Variants in PSTPIP1 observed in about 807,000 individuals in gnomAD.
The protein encoded by PSTPIP1 is proline-serine-threonine phosphatase interacting protein 1.
In PSTPIP1, 66 loss-of-function variants were observed where a neutral mutation model predicts 69.6. The ratio of observed to expected loss-of-function variants is 0.95; its 90% confidence interval spans 0.78 to 1.16. The LOEUF (loss-of-function observed/expected upper bound fraction) is 1.16. PSTPIP1 is among the 50% of genes most tolerant of loss of function. The pLI is 0.00. For missense variants in PSTPIP1, 603 were observed against 557.4 expected, an observed-to-expected ratio of 1.08 and a Z score of -0.82; for synonymous variants, 266 against 222.7, an observed-to-expected ratio of 1.19 and a Z score of -1.73.
chr15:77,002,177 T>C (rs2075722727), intron 1 of PSTPIP1, among the ~76,000 whole-genome samples: 1 of 152,236 alleles, frequency 6.6e-6, no homozygotes, highest in African/African-American at 2.4e-5. Flanking sequence ...GACTCTGTGA[T>C]GGGACCTAAG....
chr15:76,995,436 A>T lies in PSTPIP1; in HGVS notation c.-138A>T, dbSNP rs535408605. On this transcript the variant is annotated 5_prime_UTR_variant, in exon 1 of 15. Coordinates refer to ENST00000558012, the MANE Select transcript of PSTPIP1 (RefSeq NM_003978.5). Reference sequence around the variant, plus strand: ...CTCTCTGGCTCGTGGCTGCCTTCTGAGTGTTGCAGACGGCGCCGGCCGGGA... The same window carrying T: ...CTCTCTGGCTCGTGGCTGCCTTCTGTGTGTTGCAGACGGCGCCGGCCGGGA... The T allele has an allele frequency of 1.7e-5, 26 of 1,530,086 alleles. No homozygotes were observed. In the East Asian group the frequency reaches 5.7e-4, roughly 34 times the overall value. 94.8% of individuals were successfully genotyped at this position (1,530,086 alleles called of 1,614,324 possible).
chr15:77,020,871 G>GC (rs957175035), intron 3 of PSTPIP1, among the ~76,000 whole-genome samples: 38 of 49,106 alleles, frequency 7.7e-4, no homozygotes, highest in African/African-American at 3.2e-3. Flanking sequence ...ACTCCTGTGG[G>GC]GGGGGGGGGT....
At chr15:76,995,665 A>G (rs1486280806) in intron 1 of PSTPIP1, 56 bp downstream of exon 1, 1 of 1,611,558 alleles carries the variant, frequency 6.2e-7, no homozygotes, top group African/African-American at 1.3e-5. Flanking sequence ...GCTAGGCTGA[A>G]ATCTCCATGC....
intron 1 of PSTPIP1, among the ~76,000 whole-genome samples, chr15:77,002,439 A>AT (rs2075729881): frequency 6.6e-6 from 1 of 152,236 alleles, no homozygotes; most frequent in Non-Finnish European, 1.5e-5. Flanking sequence ...TTTGTCATTA[A>AT]AAAGAAAATA....
At position 77,025,597 on chromosome 15, in the gene PSTPIP1, G is replaced by C. The variant is rs2076262050; in HGVS notation, c.347G>C (p.Arg116Thr). 2 of 1,545,312 alleles carry C rather than the reference G, an allele frequency of 1.3e-6. No individual in the cohort carries two copies. Among genetic ancestry groups the C allele is most frequent in the Non-Finnish European group, 1.8e-6 (2 of 1,141,992 alleles). ...EEFRERQKEQ[R>T]KKYEAVMDRV... ...TTTCGTGAGAGGCAGAAGGAGCAGA[G>C]GAAGAAGGTGAGGCAGGTGCAGGGG... The change falls in exon 5 of 15, where the codon AGG becomes ACG. Residue 116 changes from arginine (R) to threonine (T), a missense_variant. Arg to Thr is a moderately conservative substitution (Grantham distance 71). Transcript: ENST00000558012.
intron 1 of PSTPIP1, among the ~76,000 whole-genome samples, chr15:76,998,977 C>T (rs187746870): frequency 6.6e-6 from 1 of 152,272 alleles, no homozygotes; most frequent in East Asian, 1.9e-4. Context: ...CAGAGTGGGA[C>T]CTGTCAGTGA....
At chr15:77,033,808 G>A (rs1443899011) in intron 12 of PSTPIP1, among the ~76,000 whole-genome samples, 4 of 88,310 alleles carry the variant, frequency 4.5e-5, no homozygotes, top group African/African-American at 8.7e-5. Context: ...GGAACCACCC[G>A]TGCTTAGAGA....
At position 77,031,262 on chromosome 15, in the gene PSTPIP1, G is replaced by A. The variant is rs1385210928; in HGVS notation, c.725G>A (p.Cys242Tyr). 1 of 1,612,918 alleles carries A rather than the reference G, an allele frequency of 6.2e-7. No homozygotes were observed. The highest frequency in any genetic ancestry group is 1.1e-5 in the South Asian group (1 of 91,066). ...WVHSNQLSMQCVKDDELYEEV... is the reference protein window; with the variant it reads ...WVHSNQLSMQYVKDDELYEEV... ...CACAGCAACCAGCTCTCCATGCAGT[G>A]TGTCAAGGATGATGAGGTGGGGGCT... is the stretch of plus-strand genomic sequence containing the variant. The change falls in exon 10 of 15, where the codon TGT becomes TAT. Residue 242 changes from cysteine (C) to tyrosine (Y), a missense_variant. Coordinates refer to ENST00000558012, the MANE Select transcript of PSTPIP1 (RefSeq NM_003978.5).
At chr15:77,026,593 A>G (rs2076285760) in intron 5 of PSTPIP1, among the ~76,000 whole-genome samples, 1 of 152,216 alleles carries the variant, frequency 6.6e-6, no homozygotes, top group South Asian at 2.1e-4. Context: ...AGCCCAAGCC[A>G]TGCGCCCCTC....
chr15:77,012,241 C>T (rs544009727), intron 1 of PSTPIP1, among the ~76,000 whole-genome samples: 1 of 148,756 alleles, frequency 6.7e-6, no homozygotes, highest in African/African-American at 2.5e-5. Context: ...ATCCATCCAC[C>T]CACTCATCCA....
intron 12 of PSTPIP1, among the ~76,000 whole-genome samples, chr15:77,034,912 G>T (rs1329526111): frequency 6.6e-6 from 1 of 152,244 alleles, no homozygotes; most frequent in Non-Finnish European, 1.5e-5. Context: ...CAGGGGCAGG[G>T]GTAAAGTAGC....
Position 76,995,203 on chromosome 15 carries a change from A to G in PSTPIP1, c.-371A>G. 8.3e-7 allele frequency: 1 copy of G among 1,206,000 alleles called. No individual in the cohort carries two copies. The highest frequency in any genetic ancestry group is 1.0e-6 in the Non-Finnish European group (1 of 956,806). The allele number at this position is 1,206,000 out of a possible 1,614,324, so 74.7% of individuals were successfully genotyped here. Reference sequence around the variant, plus strand: ...GCCCGAGCTCCAGCCTGCCTCTTCCACTGGCCACTGCCTCCCACCCAGGGC... The same window carrying G: ...GCCCGAGCTCCAGCCTGCCTCTTCCGCTGGCCACTGCCTCCCACCCAGGGC... On this transcript the variant is annotated 5_prime_UTR_variant, in exon 1 of 15. Coordinates refer to ENST00000558012, the MANE Select transcript of PSTPIP1 (RefSeq NM_003978.5).
At chr15:77,011,202 A>G (rs2075928186) in intron 1 of PSTPIP1, among the ~76,000 whole-genome samples, 1 of 152,226 alleles carries the variant, frequency 6.6e-6, no homozygotes, top group African/African-American at 2.4e-5. Context: ...TTCATGACAG[A>G]CAGTAGCTGC....
chr15:77,002,323 A>T (rs2075726516), intron 1 of PSTPIP1, among the ~76,000 whole-genome samples: 1 of 152,250 alleles, frequency 6.6e-6, no homozygotes, highest in Admixed American at 6.5e-5. Flanking sequence ...TAATTTGTGT[A>T]GGATGAAAGG....
Position 77,007,542 on chromosome 15 carries a change from G to A in PSTPIP1, c.37-10606G>A, listed in dbSNP as rs912268966. On this transcript the variant is annotated intron_variant, in intron 1 of 14. Coordinates refer to ENST00000558012, the MANE Select transcript of PSTPIP1 (RefSeq NM_003978.5). ...GAGGATCACTTGAGCCCAGGAGGTC[G>A]AGGTTGCAGTGAGCTGTAATCATGC... 2.0e-5 allele frequency among the ~76,000 whole-genome samples: 3 copies of A among 152,062 alleles called. No individual in the cohort carries two copies. In the East Asian group the frequency reaches 5.8e-4, roughly 30 times the overall value.
chr15:77,028,604 G>A lies in PSTPIP1; in HGVS notation c.468G>A (p.Gln156=). 1 of 1,600,738 alleles carries A rather than the reference G, an allele frequency of 6.2e-7. No individual in the cohort carries two copies. The highest frequency in any genetic ancestry group is 1.7e-5 in the Admixed American group (1 of 58,066). Residue 156 remains glutamine, a synonymous_variant, in exon 7 of 15, where the codon CAG becomes CAA. Transcript: ENST00000558012. ...QKCRDADDAE[Q]AFERISANGH... is the part of the protein sequence containing the mutation. The stretch of plus-strand genomic sequence containing the variant: ...GCCGGGACGCGGACGACGCGGAGCA[G>A]GCCTTCGAGCGCATTAGCGCCAACG...
intron 6 of PSTPIP1, chr15:77,028,253 C>T: frequency 4.1e-6 from 2 of 492,944 alleles, no homozygotes; most frequent in African/African-American, 2.0e-5. Flanking sequence ...TAAGAGGGCG[C>T]GGCGTGGCGA....
chr15:77,032,822 GT>G, intron 11 of PSTPIP1, 39 bp from the exon 12 acceptor site: 1 of 1,522,456 alleles, frequency 6.6e-7, no homozygotes, highest in Non-Finnish European at 8.9e-7. Flanking sequence ...AGAATGGGGT[GT>G]TGGGGGCCGC....
At position 77,027,231 on chromosome 15, in the gene PSTPIP1, G is replaced by A. The variant is rs765113383; in HGVS notation, c.355-621G>A. Among the ~76,000 whole-genome samples, 3 of 152,204 alleles carry A rather than the reference G, an allele frequency of 2.0e-5. No individual in the cohort carries two copies. Among genetic ancestry groups the A allele is most frequent in the Non-Finnish European group, 2.9e-5 (2 of 68,038 alleles). ...TCTCCTCCTACCTCATAACCCAGTC[G>A]CTGTCCTGGCTGTTTTGCCTTCTCT... On this transcript the variant is annotated intron_variant, in intron 5 of 14. Transcript: ENST00000558012. This position sits in a 1 kb window ranked among gnomAD's most constrained non-coding sequence, Gnocchi z 4.3.
Sources: gnomAD v4.1 joint callset for allele counts (sites outside exome capture counted in the v4.1 genomes callset) on GRCh38, gnomAD v4.1.1 for gene constraint, Gnocchi (gnomAD v3.1) non-coding constraint, MANE v1.5 for transcripts, NCBI Gene and HGNC (gene_info 2026-07-23, HGNC 2026-07-21) for gene names.